The following NTRK3 variants were observed in gnomAD, a reference collection of about 807,000 sequenced individuals.
NTRK3 encodes the protein neurotrophic receptor tyrosine kinase 3.
Under a neutral mutation model 91.7 loss-of-function variants are expected in NTRK3, and 24 were observed. That is an observed-to-expected ratio of 0.26 (90% CI 0.19 to 0.37). The LOEUF is 0.37. Ranked by LOEUF, NTRK3 falls within the 10% of genes least tolerant of loss-of-function variation. NTRK3 has a pLI of 1.00. For missense variants in NTRK3, 880 were observed against 1,068.9 expected (o/e 0.82, Z 2.46); for synonymous variants, 483 against 404.0 (o/e 1.20, Z -2.34).
chr15:88,049,994 A>T (rs528730952), intron 13 of NTRK3, among the ~76,000 whole-genome samples: 1 of 152,196 alleles, frequency 6.6e-6, no homozygotes, highest in Admixed American at 6.5e-5. Flanking sequence ...TTTTAGAAAC[A>T]TATCTGTTGG....
chr15:87,886,456 G>A (rs2065540052), intron 17 of NTRK3, among the ~76,000 whole-genome samples: 1 of 150,740 alleles, frequency 6.6e-6, no homozygotes, highest in Non-Finnish European at 1.5e-5. Flanking sequence ...GTACTGATAT[G>A]TAAATATATC....
exon 19 of NTRK3, chr15:87,862,201 G>C: frequency 4.5e-6 from 1 of 222,392 alleles, no homozygotes; most frequent in Non-Finnish European, 9.0e-6. Context: ...ACTGGAATGA[G>C]ATTCACTCAA....
chr15:88,024,628 C>G (rs919479481), intron 14 of NTRK3, among the ~76,000 whole-genome samples: 1 of 152,116 alleles, frequency 6.6e-6, no homozygotes, highest in African/African-American at 2.4e-5. Flanking sequence ...GGTGACCAGC[C>G]AGGAGCAGCT....
rs112287740 is a variant in NTRK3, at chr15:87,953,445, AATG to A, written c.1586-12695_1586-12693del. 1.6e-4 allele frequency among the ~76,000 whole-genome samples: 25 copies of A among 152,332 alleles called. 1 individual carries two copies. The highest frequency in any genetic ancestry group is 5.8e-4 in the African/African-American group (24 of 41,564). ...GTCACATAGAGAAGTGTGAGGTTTC[AATG>A]ATGTCAATGTTATTTGTTCTTACTA... On this transcript the variant is annotated intron_variant, in intron 14 of 18. Transcript: ENST00000394480.
chr15:88,044,690 G>T (rs1390922584), intron 13 of NTRK3, among the ~76,000 whole-genome samples: 1 of 151,878 alleles, frequency 6.6e-6, no homozygotes, highest in Non-Finnish European at 1.5e-5. Flanking sequence ...AATGAGGCCT[G>T]AATTTACAGT....
At chr15:88,075,890 C>A (rs377483286) in intron 13 of NTRK3, among the ~76,000 whole-genome samples, 1 of 152,064 alleles carries the variant, frequency 6.6e-6, no homozygotes, top group Non-Finnish European at 1.5e-5. Flanking sequence ...TCCTCACCTG[C>A]GAAATAAGGA....
chr15:88,039,956 A>G (rs1156443608), intron 13 of NTRK3, among the ~76,000 whole-genome samples: 1 of 152,254 alleles, frequency 6.6e-6, no homozygotes, highest in Non-Finnish European at 1.5e-5. Flanking sequence ...AATGCTGAGA[A>G]AGGTAACAAC....
chr15:88,242,261 C>T (rs891815875), intron 3 of NTRK3, among the ~76,000 whole-genome samples: 1 of 152,146 alleles, frequency 6.6e-6, no homozygotes, highest in South Asian at 2.1e-4. Flanking sequence ...CTTGCCTTTC[C>T]GCGTGGGGCC....
chr15:87,988,380 G>A (rs974737087), intron 14 of NTRK3, among the ~76,000 whole-genome samples: 2 of 152,172 alleles, frequency 1.3e-5, no homozygotes, highest in African/African-American at 4.8e-5. Flanking sequence ...AATGGAGAAA[G>A]GACATTTGGG....
At chr15:87,996,531 A>G (rs1161354410) in intron 14 of NTRK3, among the ~76,000 whole-genome samples, 1 of 152,192 alleles carries the variant, frequency 6.6e-6, no homozygotes, top group Non-Finnish European at 1.5e-5. Flanking sequence ...AGGGTTCTCC[A>G]GTGTGATTAT....
In NTRK3 at chr15:88,141,613, C is replaced by T. The variant is rs534117088; in HGVS notation, c.465-4052G>A. Among the ~76,000 whole-genome samples, 19 of 152,350 alleles carry T rather than the reference C, an allele frequency of 1.2e-4. 1 individual carries two copies. In the East Asian group the frequency reaches 3.5e-3, roughly 28 times the overall value. ...TAGGTGTAAAAATACAAATTATCCA[C>T]CTGGGTGGAAAAGACTAGACAGGCG... On this transcript the variant is annotated intron_variant, in intron 6 of 18. Coordinates refer to ENST00000394480, the Ensembl canonical transcript of NTRK3.
At chr15:88,144,042 G>A (rs537055385) in intron 6 of NTRK3, 1 of 152,196 alleles carries the variant, frequency 6.6e-6, no homozygotes, top group Non-Finnish European at 1.5e-5. Context: ...TGCCTAAATT[G>A]TATCTTGAGA....
chr15:87,881,965 C>T (rs1249583689), intron 17 of NTRK3, among the ~76,000 whole-genome samples: 2 of 152,062 alleles, frequency 1.3e-5, no homozygotes, highest in East Asian at 1.9e-4. Flanking sequence ...GCGCGATCTC[C>T]GCTCACTGCA....
chr15:88,048,153 T>C (rs2080422720), intron 13 of NTRK3, among the ~76,000 whole-genome samples: 1 of 152,226 alleles, frequency 6.6e-6, no homozygotes, highest in East Asian at 1.9e-4. Context: ...CACTTCTCCC[T>C]GCCTCCTTCC....
At chr15:87,956,276 TTTGTTGTTG>T (rs902789211) in intron 14 of NTRK3, among the ~76,000 whole-genome samples, 1 of 152,088 alleles carries the variant, frequency 6.6e-6, no homozygotes, top group South Asian at 2.1e-4. Context: ...TGTTCTGGTT[TTTGTTGTTG>T]TTGTTGTTTG....
intron 5 of NTRK3, among the ~76,000 whole-genome samples, chr15:88,174,544 A>T (rs1183280178): frequency 6.6e-6 from 1 of 152,148 alleles, no homozygotes; most frequent in African/African-American, 2.4e-5. Flanking sequence ...AAATGGCTCC[A>T]TTTCCAAATG....
exon 19 of NTRK3, chr15:87,876,506 C>T (rs1217843144): frequency 4.9e-5 from 11 of 224,368 alleles, no homozygotes; most frequent in African/African-American, 2.5e-4. Flanking sequence ...AAGATTGTCT[C>T]TCTGCATGGT....
intron 5 of NTRK3, among the ~76,000 whole-genome samples, chr15:88,176,342 G>C (rs2045995272): frequency 6.6e-6 from 1 of 151,866 alleles, no homozygotes; most frequent in African/African-American, 2.4e-5. Context: ...TCACCATGTT[G>C]GTCAGAATGG....
At chr15:88,138,982 T>G (rs968057677) in intron 6 of NTRK3, among the ~76,000 whole-genome samples, 2 of 152,218 alleles carry the variant, frequency 1.3e-5, no homozygotes, top group African/African-American at 4.8e-5. Flanking sequence ...TTCCAAGATA[T>G]GCTCAAAGCC....
Sources: gnomAD v4.1 joint callset for allele counts (sites outside exome capture counted in the v4.1 genomes callset) on GRCh38, gnomAD v4.1.1 for gene constraint, MANE v1.5 for transcripts, NCBI Gene and HGNC (gene_info 2026-07-23, HGNC 2026-07-21) for gene names.